Variants in RBMS2 observed in about 807,000 individuals in gnomAD.
RBMS2 encodes the protein RNA binding motif single stranded interacting protein 2.
In RBMS2, 38 loss-of-function variants were observed where a neutral mutation model predicts 58.4. The ratio of observed to expected loss-of-function variants is 0.65; its 90% CI spans 0.50 to 0.85. The LOEUF (loss-of-function observed/expected upper bound fraction) is 0.85. RBMS2 is among the 40% of genes least tolerant of loss of function. RBMS2 has a pLI of 0.00. For synonymous variants in RBMS2, 151 were observed against 180.7 expected (o/e 0.84, Z 1.32); for missense variants, 367 against 503.7 (o/e 0.73, Z 2.60).
chr12:56,572,564 T>C (rs1425275107), intron 5 of RBMS2, among the ~76,000 whole-genome samples: 2 of 152,086 alleles, frequency 1.3e-5, no homozygotes, highest in Non-Finnish European at 2.9e-5. Flanking sequence ...GAGTAAAAAA[T>C]TCTGTATATT....
chr12:56,542,698 A>G lies in RBMS2; in HGVS notation c.67-19719A>G, dbSNP rs1876359252. 1.3e-5 allele frequency among the ~76,000 whole-genome samples: 2 copies of G among 150,836 alleles called. 1 individual carries two copies. Among genetic ancestry groups the G allele is most frequent in the Non-Finnish European group, 3.0e-5 (2 of 67,772 alleles). On this transcript the variant is annotated intron_variant, in intron 1 of 13. Coordinates refer to ENST00000262031, the MANE Select transcript of RBMS2 (RefSeq NM_002898.4). ...TGAGTAGCTAGGACTATAGGTGCAC[A>G]CCACTATGTTAGGCTAATTTTAAAA...
At chr12:56,582,220 A>C in intron 9 of RBMS2, 68 bp downstream of exon 9, 1 of 1,366,920 alleles carries the variant, frequency 7.3e-7, no homozygotes, top group Non-Finnish European at 1.0e-6. Flanking sequence ...AAGTAATATA[A>C]GGCTAGGAAC....
At chr12:56,573,805 G>A (rs1243510164) in intron 5 of RBMS2, among the ~76,000 whole-genome samples, 4 of 149,394 alleles carry the variant, frequency 2.7e-5, no homozygotes, top group Non-Finnish European at 4.4e-5. Context: ...CCACAGGTGC[G>A]TACCACCACG....
chr12:56,566,091 C>T (rs148615124), intron 2 of RBMS2, among the ~76,000 whole-genome samples: 464 of 152,282 alleles, frequency 3.0e-3, no homozygotes, highest in Non-Finnish European at 4.5e-3. Flanking sequence ...AGGATAGCCA[C>T]ATCCATCCTC....
rs183497221 is a variant in RBMS2 at position 56,558,459 on chromosome 12, C to T, written c.67-3958C>T. Among the ~76,000 whole-genome samples, 41 of 150,618 alleles carry T rather than the reference C, an allele frequency of 2.7e-4. No homozygotes were observed. The East Asian group carries it at 6.3e-3, about 23-fold the overall frequency. ...CACATTGAGAATGGGGATAGATGAA[C>T]GCCAACTGAGGCAGGTGGTCTCTTC... is the stretch of plus-strand genomic sequence containing the variant. On this transcript the variant is annotated intron_variant, in intron 1 of 13. Coordinates refer to ENST00000262031, the MANE Select transcript of RBMS2 (RefSeq NM_002898.4).
At chr12:56,537,443 A>G (rs1438939152) in intron 1 of RBMS2, among the ~76,000 whole-genome samples, 1 of 152,250 alleles carries the variant, frequency 6.6e-6, no homozygotes, top group Admixed American at 6.5e-5. Flanking sequence ...GGAATCATAC[A>G]ATATTTTTGT....
intron 1 of RBMS2, among the ~76,000 whole-genome samples, chr12:56,541,931 TA>T (rs1480324739): frequency 6.6e-6 from 1 of 152,172 alleles, no homozygotes; most frequent in Non-Finnish European, 1.5e-5. Context: ...CCTAAGATGA[TA>T]ACAATCCAGA....
rs180934233 is a variant in RBMS2, at chr12:56,592,319, T to C, written c.*3186T>C. 60 of 152,266 alleles carry C rather than the reference T, an allele frequency of 3.9e-4. No homozygotes were observed. Among genetic ancestry groups the C allele is most frequent in the African/African-American group, 1.4e-3 (57 of 41,552 alleles). 9.4% of individuals were successfully genotyped at this position (152,266 alleles called of 1,614,324 possible). A position where few individuals can be genotyped will look rare whatever the true frequency, so the allele number is the denominator to read the frequency against. Reference sequence around the variant, plus strand: ...CTGTTTTCAGTCAGCTAGAACACACTAGAGTCCTTTCCTCAGATGGCATAA... The same window carrying C: ...CTGTTTTCAGTCAGCTAGAACACACCAGAGTCCTTTCCTCAGATGGCATAA... On this transcript the variant is annotated 3_prime_UTR_variant, in exon 14 of 14. Transcript: ENST00000262031.
At chr12:56,535,027 T>A (rs565791309) in intron 1 of RBMS2, among the ~76,000 whole-genome samples, 1 of 152,294 alleles carries the variant, frequency 6.6e-6, no homozygotes, top group Non-Finnish European at 1.5e-5. Flanking sequence ...AGAAACTTTC[T>A]TCATTTGACT....
chr12:56,526,184 G>A (rs1872603501), intron 1 of RBMS2, among the ~76,000 whole-genome samples: 1 of 151,806 alleles, frequency 6.6e-6, no homozygotes, highest in Admixed American at 6.6e-5. Context: ...GTGCACGCCT[G>A]TAGTCCCAGC....
At chr12:56,554,505 A>G (rs933059724) in intron 1 of RBMS2, among the ~76,000 whole-genome samples, 4 of 152,176 alleles carry the variant, frequency 2.6e-5, no homozygotes, top group Admixed American at 2.6e-4. Context: ...CAAACACTGC[A>G]TGTTCTTGCT....
chr12:56,578,109 C>G (rs993074885), intron 5 of RBMS2, among the ~76,000 whole-genome samples: 1 of 151,848 alleles, frequency 6.6e-6, no homozygotes, highest in Admixed American at 6.6e-5. Flanking sequence ...GAGGCATGAG[C>G]TACTGTTCCT....
chr12:56,582,641 A>T (rs1884118781), intron 9 of RBMS2, among the ~76,000 whole-genome samples: 1 of 152,120 alleles, frequency 6.6e-6, no homozygotes, highest in Non-Finnish European at 1.5e-5. Context: ...AACTCTGAGG[A>T]TGGGGCCCAG....
intron 2 of RBMS2, among the ~76,000 whole-genome samples, chr12:56,567,521 A>C: frequency 6.6e-6 from 1 of 152,022 alleles, no homozygotes; most frequent in East Asian, 1.9e-4. Context: ...ACCAAAATTT[A>C]GATGGTTTTT....
chr12:56,583,913 T>G (rs1237706594), intron 9 of RBMS2, among the ~76,000 whole-genome samples: 1 of 152,198 alleles, frequency 6.6e-6, no homozygotes, highest in African/African-American at 2.4e-5. Context: ...TCCAATTTTA[T>G]TTTTTGGCTG....
Position 56,594,135 on chromosome 12 carries a change from T to C in RBMS2, c.*5002T>C, listed in dbSNP as rs766823773. On this transcript the variant is annotated 3_prime_UTR_variant, in exon 14 of 14. Coordinates refer to ENST00000262031, the MANE Select transcript of RBMS2 (RefSeq NM_002898.4). Reference sequence around the variant, plus strand: ...CACTCCAATGTCAACCCATTGGGAGTTGAGGCCTGTCACTCCAATGTCAAC... The same window carrying C: ...CACTCCAATGTCAACCCATTGGGAGCTGAGGCCTGTCACTCCAATGTCAAC... 1 of 152,152 alleles carries C rather than the reference T, an allele frequency of 6.6e-6. No homozygotes were observed. The highest frequency in any genetic ancestry group is 1.9e-4 in the East Asian group (1 of 5,196). The allele number at this position is 152,152 out of a possible 1,614,324, so 9.4% of individuals were successfully genotyped here.
Position 56,586,836 on chromosome 12 carries a change from T to G in RBMS2, c.874-13T>G. 1 of 1,608,358 alleles carries G rather than the reference T, an allele frequency of 6.2e-7. No individual in the cohort carries two copies. The highest frequency in any genetic ancestry group is 8.5e-7 in the Non-Finnish European group (1 of 1,174,734). ...TTCCAGGCAATTAACATTTTTGTTT[T>G]TGCTTGTTTTAGAGAGTGACTCAGA... On this transcript the variant is annotated splice_polypyrimidine_tract_variant and intron_variant, in intron 9 of 13. Transcript: ENST00000262031.
At chr12:56,540,340 T>G (rs781128028) in intron 1 of RBMS2, among the ~76,000 whole-genome samples, 2 of 152,140 alleles carry the variant, frequency 1.3e-5, no homozygotes, top group African/African-American at 4.8e-5. Flanking sequence ...TATGTATGTA[T>G]TTATGTATTT....
chr12:56,560,617 A>C (rs1434002976), intron 1 of RBMS2, among the ~76,000 whole-genome samples: 2 of 151,696 alleles, frequency 1.3e-5, no homozygotes, highest in Non-Finnish European at 2.9e-5. Flanking sequence ...CTGGTCTCAA[A>C]CTCATGGGTT....
Sources: gnomAD v4.1 joint callset for allele counts (sites outside exome capture counted in the v4.1 genomes callset) on GRCh38, gnomAD v4.1.1 for gene constraint, MANE v1.5 for transcripts, NCBI Gene and HGNC (gene_info 2026-07-23, HGNC 2026-07-21) for gene names.